Variants in FNDC1 observed in about 807,000 individuals in gnomAD.
FNDC1 encodes fibronectin type III domain containing 1, also known as fibronectin type III domain-containing protein 1.
In FNDC1, 96 loss-of-function variants were observed where a neutral mutation model predicts 168.0. That is an observed-to-expected ratio of 0.57 (90% CI 0.48 to 0.68). The LOEUF is 0.68. FNDC1 is among the 30% of genes least tolerant of loss of function. The probability of loss-of-function intolerance (pLI) is 0.00; values close to 1 mark genes in which losing one functional copy is unlikely to be tolerated. For synonymous variants in FNDC1, 1,099 were observed against 1,025.9 expected (o/e 1.07, Z -1.36); for missense variants, 2,587 against 2,482.1 (o/e 1.04, Z -0.90).
At chr6:159,178,462 G>A (rs1781813068) in intron 1 of FNDC1, among the ~76,000 whole-genome samples, 1 of 152,094 alleles carries the variant, frequency 6.6e-6, no homozygotes, top group South Asian at 2.1e-4. Context: ...CCTAAAGGCG[G>A]CATTTGCATA....
intron 1 of FNDC1, 23 bp from the exon 2 acceptor site, chr6:159,197,408 T>A (rs1481571110): frequency 6.3e-7 from 1 of 1,580,008 alleles, no homozygotes; most frequent in East Asian, 2.3e-5. Flanking sequence ...TGCCATGAGT[T>A]GATAGTTGCG....
chr6:159,196,026 G>A (rs1782234975), intron 1 of FNDC1, among the ~76,000 whole-genome samples: 1 of 152,198 alleles, frequency 6.6e-6, no homozygotes, highest in Admixed American at 6.5e-5. Context: ...TGCTGAAGTT[G>A]CTTGTAGATA....
At position 159,173,264 on chromosome 6, in the gene FNDC1, G is replaced by T. The variant is rs78607574; in HGVS notation, c.109+3559G>T. Among the ~76,000 whole-genome samples, 5 of 127,430 alleles carry T rather than the reference G, an allele frequency of 3.9e-5. No individual in the cohort carries two copies. In the East Asian group the frequency reaches 1.3e-3, roughly 32 times the overall value. 83.6% of individuals were successfully genotyped at this position (127,430 alleles called of 152,430 possible). A position where few individuals can be genotyped will look rare whatever the true frequency, so the allele number is the denominator to read the frequency against. On this transcript the variant is annotated intron_variant, in intron 1 of 22. Coordinates refer to ENST00000297267, the MANE Select transcript of FNDC1 (RefSeq NM_032532.3). ...GCAGTGCTGTCCTGCACCTCTGGGG[G>T]CCTTGGGCTAGTCTCCGCGCTTCAG...
chr6:159,266,315 C>G, intron 21 of FNDC1, 70 bp downstream of exon 21: 1 of 1,514,714 alleles, frequency 6.6e-7, no homozygotes, highest in Non-Finnish European at 9.1e-7. Context: ...AAACTTGGCA[C>G]CACAGGTGCA....
chr6:159,175,278 AGTGACCTTAC>A (rs1489824161), intron 1 of FNDC1, among the ~76,000 whole-genome samples: 2 of 152,192 alleles, frequency 1.3e-5, no homozygotes, highest in African/African-American at 4.8e-5. Flanking sequence ...TAATTTTCAC[AGTGACCTTAC>A]GAAGTCAGTA....
rs1562314891 is a variant in FNDC1 at position 159,267,852 on chromosome 6, G to A, written c.5495G>A (p.Cys1832Tyr). The A allele has an allele frequency of 6.2e-7, 1 of 1,613,558 alleles. No homozygotes were observed. Among genetic ancestry groups the A allele is most frequent in the Admixed American group, 1.7e-5 (1 of 59,988 alleles). ...GDSWGRGEDHCQFVDSHLDGR... is the reference protein window; with the variant it reads ...GDSWGRGEDHYQFVDSHLDGR... ...AGCTGGGGAAGAGGTGAAGACCATTGCCAATTTGTGGATTCACACCTTGAT... is the reference window on the plus strand; with the variant it reads ...AGCTGGGGAAGAGGTGAAGACCATTACCAATTTGTGGATTCACACCTTGAT... Residue 1832 changes from cysteine to tyrosine, a missense_variant, in exon 22 of 23, where the codon TGC becomes TAC. By Grantham distance (194) the Cys-to-Tyr change is radical (BLOSUM62 -2). Coordinates refer to ENST00000297267, the MANE Select transcript of FNDC1 (RefSeq NM_032532.3).
chr6:159,232,836 C>G lies in FNDC1; in HGVS notation c.2324C>G (p.Thr775Arg), dbSNP rs878866067. Residue 775 changes from threonine to arginine, a missense_variant, in exon 11 of 23, where the codon ACG becomes AGG. Transcript: ENST00000297267. The surrounding 1 kb of genome is among the most constrained non-coding windows in gnomAD (Gnocchi z 4.9). ...GTCTCTTCTCATCTCTCGTCCAGGACGCAGGTCTCTGAGGGAGCGGAGGCT... is the reference window on the plus strand; with the variant it reads ...GTCTCTTCTCATCTCTCGTCCAGGAGGCAGGTCTCTGAGGGAGCGGAGGCT... The part of the protein sequence containing the change: ...SSVSSHLSSR[T>R]QVSEGAEASD... 6.2e-7 allele frequency: 1 copy of G among 1,613,912 alleles called. No individual in the cohort carries two copies. Among genetic ancestry groups the G allele is most frequent in the South Asian group, 1.1e-5 (1 of 91,084 alleles).
intron 1 of FNDC1, among the ~76,000 whole-genome samples, chr6:159,188,369 C>CTTTTTTTTTT (rs61551779): frequency 3.1e-5 from 4 of 128,638 alleles, no homozygotes; most frequent in Non-Finnish European, 6.8e-5. Flanking sequence ...CAATTTCTTT[C>CTTTTTTTTTT]TTTTTTTTTT....
chr6:159,245,453 T>C (rs757454920), intron 14 of FNDC1, among the ~76,000 whole-genome samples: 1 of 152,192 alleles, frequency 6.6e-6, no homozygotes, highest in African/African-American at 2.4e-5. Context: ...TGCTGTGGGC[T>C]TCAGGTCAAA....
At chr6:159,220,475 G>A (rs1782799538) in intron 5 of FNDC1, among the ~76,000 whole-genome samples, 1 of 152,166 alleles carries the variant, frequency 6.6e-6, no homozygotes, top group Non-Finnish European at 1.5e-5. Context: ...CAGGAGCCTT[G>A]GTCAGAGAGT....
intron 22 of FNDC1, 72 bp downstream of exon 22, chr6:159,267,998 A>G: frequency 6.6e-7 from 1 of 1,504,222 alleles, no homozygotes; most frequent in South Asian, 1.2e-5. Context: ...GGGAAAATCC[A>G]CAGTAGGTCT....
At chr6:159,180,038 C>G (rs1781847391) in intron 1 of FNDC1, among the ~76,000 whole-genome samples, 1 of 152,106 alleles carries the variant, frequency 6.6e-6, no homozygotes, top group Non-Finnish European at 1.5e-5. Flanking sequence ...ATGTGAGTGT[C>G]CTAGGGCTGC....
intron 1 of FNDC1, among the ~76,000 whole-genome samples, chr6:159,179,268 G>A (rs1247708634): frequency 3.9e-5 from 6 of 152,214 alleles, no homozygotes; most frequent in Admixed American, 3.9e-4. Context: ...ATCGAGACCA[G>A]CCTGGCCAAA....
intron 1 of FNDC1, among the ~76,000 whole-genome samples, chr6:159,194,657 A>G (rs1325286865): frequency 1.3e-5 from 2 of 152,212 alleles, no homozygotes; most frequent in East Asian, 3.9e-4. Context: ...GACCTTCAAA[A>G]CAATGATCGG....
intron 17 of FNDC1, among the ~76,000 whole-genome samples, chr6:159,255,129 T>C (rs940915314): frequency 1.2e-4 from 19 of 152,240 alleles, no homozygotes; most frequent in Admixed American, 4.6e-4. Flanking sequence ...TAACTGTCTT[T>C]CCCTTTCTTT....
chr6:159,252,906 G>A (rs879002033), intron 17 of FNDC1, among the ~76,000 whole-genome samples: 2 of 152,224 alleles, frequency 1.3e-5, no homozygotes, highest in East Asian at 3.8e-4. Context: ...CAGAATGAGA[G>A]TGTATTGGCC....
chr6:159,249,216 G>GT (rs1562308237), intron 16 of FNDC1, 34 bp downstream of exon 16: 1 of 1,575,288 alleles, frequency 6.3e-7, no homozygotes, highest in African/African-American at 1.4e-5. Context: ...AGAAACATGG[G>GT]TTTTTAACTT....
intron 7 of FNDC1, 134 bp downstream of exon 7, chr6:159,223,779 G>T: frequency 1.6e-6 from 1 of 609,264 alleles, no homozygotes. Flanking sequence ...TAGCTGAATG[G>T]TAAATATTCT....
chr6:159,206,500 A>C (rs1190197693), intron 4 of FNDC1, among the ~76,000 whole-genome samples: 1 of 152,168 alleles, frequency 6.6e-6, no homozygotes, highest in Non-Finnish European at 1.5e-5. Context: ...TGTTCAGTGG[A>C]AATGCATTTG....
Sources: allele counts gnomAD v4.1 joint callset (sites outside exome capture counted in the v4.1 genomes callset), GRCh38; gene constraint gnomAD v4.1.1; non-coding constraint Gnocchi (gnomAD v3.1); transcripts MANE v1.5; gene names NCBI Gene and HGNC (gene_info 2026-07-23, HGNC 2026-07-21).